The following UGGT1 variants were observed in gnomAD, a reference collection of about 807,000 sequenced individuals.
The protein encoded by UGGT1 is UDP-glucose:glycoprotein glucosyltransferase 1.
Under a neutral mutation model 203.9 loss-of-function variants are expected in UGGT1, and 107 were observed. That is an observed-to-expected ratio of 0.52 (90% CI 0.45 to 0.62). UGGT1 has a LOEUF of 0.62. Among genes scored for constraint, UGGT1 ranks in the 20% least tolerant of loss-of-function variants. UGGT1 has a pLI of 0.00. For synonymous variants in UGGT1, 628 were observed against 653.5 expected (o/e 0.96, Z 0.59); for missense variants, 1,673 against 1,867.2 (o/e 0.90, Z 1.92).
At chr2:128,157,217 C>G in intron 21 of UGGT1, 35 bp from the exon 22 acceptor site, 1 of 1,472,044 alleles carries the variant, frequency 6.8e-7, no homozygotes, top group Non-Finnish European at 9.5e-7. Context: ...TGCTTCTCTC[C>G]TCTGACTCAA....
intron 25 of UGGT1, among the ~76,000 whole-genome samples, chr2:128,163,669 G>A (rs1236530392): frequency 3.3e-5 from 5 of 151,464 alleles, no homozygotes; most frequent in East Asian, 1.9e-4. Flanking sequence ...GAGCGAGATC[G>A]CGCCACTGCA....
At chr2:128,183,005 G>A (rs1691783147) in intron 37 of UGGT1, among the ~76,000 whole-genome samples, 1 of 150,196 alleles carries the variant, frequency 6.7e-6, no homozygotes, top group African/African-American at 2.5e-5. Context: ...ATTCCAGTGT[G>A]TGAGTGTTAT....
chr2:128,142,034 T>C (rs1449325192), intron 16 of UGGT1, among the ~76,000 whole-genome samples: 1 of 151,818 alleles, frequency 6.6e-6, no homozygotes, highest in Non-Finnish European at 1.5e-5. Flanking sequence ...CTCTGCCTCC[T>C]GGGTTTAAGG....
intron 12 of UGGT1, among the ~76,000 whole-genome samples, chr2:128,128,721 T>C (rs1156324357): frequency 4.6e-5 from 7 of 152,210 alleles, no homozygotes; most frequent in Admixed American, 1.3e-4. Context: ...GGTACTGACA[T>C]TGAAACATAT....
chr2:128,145,705 G>C, intron 17 of UGGT1, 98 bp from the exon 18 acceptor site: 1 of 1,060,012 alleles, frequency 9.4e-7, no homozygotes, highest in Non-Finnish European at 1.3e-6. Flanking sequence ...TATTTCTATT[G>C]ATTGTTGTTA....
intron 4 of UGGT1, 72 bp from the exon 5 acceptor site, chr2:128,109,562 T>G: frequency 8.1e-7 from 1 of 1,230,904 alleles, no homozygotes; most frequent in Admixed American, 1.7e-5. Context: ...AATCACCTAT[T>G]TTGATTATAC....
chr2:128,160,211 C>G (rs550576966), intron 23 of UGGT1, among the ~76,000 whole-genome samples: 8 of 152,028 alleles, frequency 5.3e-5, no homozygotes, highest in African/African-American at 1.9e-4. Context: ...TTTAAAAATG[C>G]AGAGTAAAGG....
At chr2:128,114,148 C>T (rs1271079420) in intron 6 of UGGT1, among the ~76,000 whole-genome samples, 2 of 152,138 alleles carry the variant, frequency 1.3e-5, no homozygotes, top group African/African-American at 4.8e-5. Flanking sequence ...GACAGAGTCT[C>T]GCTCTGTCGC....
chr2:128,120,227 T>TC (rs1688312051), intron 8 of UGGT1, 129 bp from the exon 9 acceptor site: 3 of 707,226 alleles, frequency 4.2e-6, no homozygotes, highest in Admixed American at 5.9e-5. Flanking sequence ...CTTCATTTTT[T>TC]CCCCCTATGT....
intron 17 of UGGT1, 136 bp downstream of exon 17, chr2:128,143,361 G>C: frequency 9.6e-7 from 1 of 1,038,726 alleles, no homozygotes; most frequent in Non-Finnish European, 1.3e-6. Flanking sequence ...TTAGAAACCA[G>C]ATCACTTTTC....
rs376050046 is a variant in UGGT1 at position 128,161,194 on chromosome 2, C to T, written c.2751C>T (p.Leu917=). 1 of 1,613,748 alleles carries T rather than the reference C, an allele frequency of 6.2e-7. No individual in the cohort carries two copies. Among genetic ancestry groups the T allele is most frequent in the Non-Finnish European group, 8.5e-7 (1 of 1,179,958 alleles). ...ELFNQDDFHL[L]ENIILKTSGQ... ...TTAATCAAGACGATTTCCACCTCCTCGAAAATATCATCTTAAAAACCTCAG... is the reference window on the plus strand; with the variant it reads ...TTAATCAAGACGATTTCCACCTCCTTGAAAATATCATCTTAAAAACCTCAG... The change falls in exon 25 of 41, where the codon CTC becomes CTT. Residue 917 remains leucine (L), a synonymous_variant. Transcript: ENST00000259253.
At position 128,109,731 on chromosome 2, in the gene UGGT1, T is replaced by G. The variant is rs1687765258; in HGVS notation, c.506T>G (p.Leu169Arg). Residue 169 changes from leucine (L) to arginine (R), a missense_variant, in exon 5 of 41, where the codon CTG becomes CGG. Physicochemically the swap from Leu to Arg is moderately radical, Grantham distance 102. Coordinates refer to ENST00000259253, the MANE Select transcript of UGGT1 (RefSeq NM_020120.4). Reference protein sequence around the residue: ...CESDTLEALLLTASERPKPLL... With the variant: ...CESDTLEALLRTASERPKPLL... ...TCTGATACCCTTGAGGCTCTTCTAC[T>G]GACAGCCTCTGAAAGGTAGATTATG... 8 of 1,613,056 alleles carry G rather than the reference T, an allele frequency of 5.0e-6. No homozygotes were observed. The highest frequency in any genetic ancestry group is 6.8e-6 in the Non-Finnish European group (8 of 1,178,994).
chr2:128,143,077 G>A lies in UGGT1; in HGVS notation c.1720-17G>A, dbSNP rs890896110. 1.9e-6 allele frequency: 3 copies of A among 1,573,048 alleles called. No individual in the cohort carries two copies. Among genetic ancestry groups the A allele is most frequent in the Admixed American group, 1.9e-5 (1 of 52,722 alleles). On this transcript the variant is annotated splice_polypyrimidine_tract_variant and intron_variant, in intron 16 of 40. Coordinates refer to ENST00000259253, the MANE Select transcript of UGGT1 (RefSeq NM_020120.4). ...AACTTAAAAGTGTAGTTAACCAACT[G>A]TTTTTTCTTTCTTCAGATCTATAAC...
chr2:128,168,965 T>C (rs1690941045), intron 26 of UGGT1, among the ~76,000 whole-genome samples: 1 of 146,114 alleles, frequency 6.8e-6, no homozygotes, highest in Admixed American at 7.1e-5. Flanking sequence ...GAGGATTGCT[T>C]GAGCCGGGGA....
At chr2:128,145,723 C>A in intron 17 of UGGT1, 80 bp from the exon 18 acceptor site, 1 of 1,230,494 alleles carries the variant, frequency 8.1e-7, no homozygotes, top group Non-Finnish European at 1.1e-6. Flanking sequence ...TTAGAACAGG[C>A]ATGTAAGAAA....
chr2:128,097,399 G>A, intron 1 of UGGT1, 30 bp from the exon 2 acceptor site: 1 of 1,584,534 alleles, frequency 6.3e-7, no homozygotes, highest in Non-Finnish European at 8.5e-7. Flanking sequence ...TTTCCTTGTA[G>A]CAAAACTTCT....
rs147400241 is a variant in UGGT1, at chr2:128,161,040, C to T, written c.2695-98C>T. ...GTCTCAGGTCTTTAAGATGTTCTGGCGTATGAGGTAGCCTGAGGACGCCAG... is the reference window on the plus strand; with the variant it reads ...GTCTCAGGTCTTTAAGATGTTCTGGTGTATGAGGTAGCCTGAGGACGCCAG... On this transcript the variant is annotated intron_variant, in intron 24 of 40. Transcript: ENST00000259253. 4.2e-3 allele frequency: 5,955 copies of T among 1,405,114 alleles called. 19 individuals are homozygous for T. Among genetic ancestry groups the T allele is most frequent in the Non-Finnish European group, 5.4e-3 (5,583 of 1,032,108 alleles). The allele number at this position is 1,405,114 out of a possible 1,614,324, so 87.0% of individuals were successfully genotyped here. A position where few individuals can be genotyped will look rare whatever the true frequency, so the allele number is the denominator to read the frequency against.
intron 19 of UGGT1, among the ~76,000 whole-genome samples, chr2:128,155,067 T>C (rs1034344009): frequency 2.0e-5 from 3 of 152,174 alleles, no homozygotes; most frequent in African/African-American, 7.2e-5. Context: ...ACCTGAAAAA[T>C]AAAAATCAGT....
chr2:128,108,172 T>C, intron 4 of UGGT1, 104 bp downstream of exon 4: 2 of 1,369,158 alleles, frequency 1.5e-6, no homozygotes, highest in Non-Finnish European at 2.0e-6. Context: ...TTATCACTTT[T>C]TTGCCTGAAA....
Sources: allele counts gnomAD v4.1 joint callset (sites outside exome capture counted in the v4.1 genomes callset), GRCh38; gene constraint gnomAD v4.1.1; transcripts MANE v1.5; gene names NCBI Gene and HGNC (gene_info 2026-07-23, HGNC 2026-07-21).